GABRA6: variants seen among roughly 807,000 people sequenced by gnomAD.
GABRA6 encodes gamma-aminobutyric acid type A receptor subunit alpha6, also known as gamma-aminobutyric acid receptor subunit alpha-6.
A neutral mutation model predicts 47.3 loss-of-function variants in GABRA6; 45 were observed. The ratio of observed to expected loss-of-function variants is 0.95; its 90% CI spans 0.75 to 1.22. The LOEUF (loss-of-function observed/expected upper bound fraction) is 1.22. GABRA6 is among the 50% of genes most tolerant of loss of function. The probability of loss-of-function intolerance (pLI) is 0.00; values close to 1 mark genes in which losing one functional copy is unlikely to be tolerated. For missense variants in GABRA6, 583 were observed against 549.3 expected (o/e 1.06, Z -0.61); for synonymous variants, 219 against 194.7 (o/e 1.12, Z -1.04).
In GABRA6 at chr5:161,690,310, T is replaced by C. The variant is rs1754770343; in HGVS notation, c.783T>C (p.Ser261=). The change falls in exon 7 of 9, where the codon TCT becomes TCC. Residue 261 remains serine, a synonymous_variant. Transcript: ENST00000274545. ...TGACAGTCATTCTTTCCCAGGTGTC[T>C]TTCTGGATTAATAAGGAGTCCGTCC... ...CIMTVILSQV[S]FWINKESVPA... is the part of the protein sequence containing the mutation. 5 of 1,613,890 alleles carry C rather than the reference T, an allele frequency of 3.1e-6. No homozygotes were observed. In the Middle Eastern group the frequency reaches 5.0e-4, roughly 160 times the overall value.
chr5:161,686,865 G>A (rs1358303503), intron 2 of GABRA6, 71 bp from the exon 3 acceptor site: 2 of 1,289,224 alleles, frequency 1.6e-6, no homozygotes, highest in South Asian at 1.2e-5. Context: ...GGGGTTTGGT[G>A]GTAGAGGGCT....
Position 161,690,042 on chromosome 5 carries a change from T to TC in GABRA6, c.674-158dup, listed in dbSNP as rs3841130. ...TAAGTTGATGTGTCTCTTCGCTCTA[T>TC]CATCTGCTGATCAAGTAGCTTTCTC... On this transcript the variant is annotated intron_variant, in intron 6 of 8. Coordinates refer to ENST00000274545, the MANE Select transcript of GABRA6 (RefSeq NM_000811.3). The TC allele has an allele frequency of 1.9e-3, 1,416 of 737,436 alleles. 23 individuals are homozygous for TC. In the East Asian group the frequency reaches 0.029, roughly 15 times the overall value. The allele number at this position is 737,436 out of a possible 1,614,324, so 45.7% of individuals were successfully genotyped here.
intron 3 of GABRA6, among the ~76,000 whole-genome samples, chr5:161,688,681 T>A (rs767071142): frequency 2.6e-5 from 4 of 152,188 alleles, no homozygotes; most frequent in Non-Finnish European, 4.4e-5. Flanking sequence ...GAAATATGGA[T>A]GACTGGATAG....
intron 8 of GABRA6, among the ~76,000 whole-genome samples, chr5:161,697,367 G>A (rs1754901902): frequency 6.6e-6 from 1 of 152,216 alleles, no homozygotes; most frequent in African/African-American, 2.4e-5. Flanking sequence ...AATTCAGCGT[G>A]TTCCTTCTAA....
chr5:161,691,275 TTC>T (rs1468035207), intron 7 of GABRA6, among the ~76,000 whole-genome samples: 1 of 149,318 alleles, frequency 6.7e-6, no homozygotes, highest in African/African-American at 2.4e-5. Flanking sequence ...CAAGTTTTTT[TTC>T]TTTTTCTTTC....
chr5:161,692,077 C>A lies in GABRA6; in HGVS notation c.963C>A (p.Phe321Leu). Residue 321 changes from phenylalanine (F) to leucine (L), a missense_variant, in exon 8 of 9, where the codon TTC becomes TTA. Coordinates refer to ENST00000274545, the MANE Select transcript of GABRA6 (RefSeq NM_000811.3). ...FAFVFSALIE[F>L]AAVNYFTNLQ... ...TCGTCTTCTCTGCGCTTATCGAGTT[C>A]GCAGCTGTCAACTACTTTACCAATC... The A allele has an allele frequency of 6.2e-7, 1 of 1,614,122 alleles. No homozygotes were observed. Among genetic ancestry groups the A allele is most frequent in the Non-Finnish European group, 8.5e-7 (1 of 1,180,002 alleles).
chr5:161,695,589 G>A (rs1403590907), intron 8 of GABRA6, among the ~76,000 whole-genome samples: 1 of 151,942 alleles, frequency 6.6e-6, no homozygotes, highest in African/African-American at 2.4e-5. Flanking sequence ...TAGTTTCCTT[G>A]TTATTTTAAA....
intron 6 of GABRA6, 121 bp downstream of exon 6, chr5:161,689,900 T>C (rs1754763610): frequency 9.9e-7 from 1 of 1,007,798 alleles, no homozygotes; most frequent in South Asian, 1.4e-5. Flanking sequence ...TGTTTTGCAG[T>C]GATGAGTAGC....
chr5:161,689,433 C>A, intron 5 of GABRA6, 97 bp downstream of exon 5: 3 of 1,145,092 alleles, frequency 2.6e-6, no homozygotes, highest in South Asian at 2.5e-5. Context: ...GAAATAGAAT[C>A]ATGACACTAT....
rs1343672901 is a variant in GABRA6, at chr5:161,701,610, C to T, written c.1199C>T (p.Thr400Ile). ...VLTRAPILQS[T>I]PVTPPPLSPA... is the part of the protein sequence containing the mutation. ...ACGAGAGCGCCCATCTTACAATCAA[C>T]ACCTGTCACACCCCCACCACTCTCG... The change falls in exon 9 of 9, where the codon ACA becomes ATA. Residue 400 changes from threonine (T) to isoleucine (I), a missense_variant. Coordinates refer to ENST00000274545, the MANE Select transcript of GABRA6 (RefSeq NM_000811.3). 3 of 1,614,178 alleles carry T rather than the reference C, an allele frequency of 1.9e-6. No individual in the cohort carries two copies. Among genetic ancestry groups the T allele is most frequent in the Non-Finnish European group, 2.5e-6 (3 of 1,180,038 alleles).
At chr5:161,696,523 T>A (rs542104241) in intron 8 of GABRA6, among the ~76,000 whole-genome samples, 1 of 152,212 alleles carries the variant, frequency 6.6e-6, no homozygotes, top group East Asian at 1.9e-4. Flanking sequence ...GTATGATTTA[T>A]GGGGAAGGCA....
rs1289169367 is a variant in GABRA6, at chr5:161,685,782, G to A, written c.-208G>A. ...AAGACCACAAACCACCTTGTTCCAC[G>A]TGAGAAGGAAACAAGAAAGAAGGGA... is the stretch of plus-strand genomic sequence containing the variant. On this transcript the variant is annotated 5_prime_UTR_variant, in exon 1 of 9. The change creates a new upstream start codon in the 5' untranslated region. Coordinates refer to ENST00000274545, the MANE Select transcript of GABRA6 (RefSeq NM_000811.3). 2.1e-5 allele frequency: 13 copies of A among 618,726 alleles called. No individual in the cohort carries two copies. The highest frequency in any genetic ancestry group is 5.7e-4 in the Middle Eastern group (2 of 3,538). The allele number at this position is 618,726 out of a possible 1,614,324, so 38.3% of individuals were successfully genotyped here.
intron 8 of GABRA6, among the ~76,000 whole-genome samples, chr5:161,694,744 G>A (rs923167925): frequency 1.3e-5 from 2 of 152,006 alleles, no homozygotes; most frequent in Non-Finnish European, 2.9e-5. Flanking sequence ...GGGAAATTTT[G>A]ATTCTAAAAG....
At chr5:161,692,988 T>C (rs1252290963) in intron 8 of GABRA6, among the ~76,000 whole-genome samples, 1 of 152,172 alleles carries the variant, frequency 6.6e-6, no homozygotes, top group Non-Finnish European at 1.5e-5. Context: ...TAAAACTGAT[T>C]GACAGTCATA....
At chr5:161,699,827 C>A (rs1754947633) in intron 8 of GABRA6, among the ~76,000 whole-genome samples, 1 of 152,130 alleles carries the variant, frequency 6.6e-6, no homozygotes. Flanking sequence ...CTTCTAATAT[C>A]TTAAACTCTC....
intron 3 of GABRA6, among the ~76,000 whole-genome samples, chr5:161,688,664 A>G (rs1754737320): frequency 6.6e-6 from 1 of 152,192 alleles, no homozygotes; most frequent in African/African-American, 2.4e-5. Flanking sequence ...GGACATATTG[A>G]TAGATGGAAA....
chr5:161,702,557 C>A lies in GABRA6; in HGVS notation c.*784C>A, dbSNP rs911961974. 1 of 152,076 alleles carries A rather than the reference C, an allele frequency of 6.6e-6. No individual in the cohort carries two copies. The highest frequency in any genetic ancestry group is 1.5e-5 in the Non-Finnish European group (1 of 67,992). 9.4% of individuals were successfully genotyped at this position (152,076 alleles called of 1,614,324 possible). ...GTTATCTCTTGTGTTTTCCACATTT[C>A]CAATTATAACACTAAATAAAACAAC... is the stretch of plus-strand genomic sequence containing the variant. On this transcript the variant is annotated 3_prime_UTR_variant, in exon 9 of 9. Transcript: ENST00000274545.
In GABRA6 at chr5:161,692,025, A is replaced by T; in HGVS notation, c.911A>T (p.Asp304Val). Residue 304 changes from aspartate to valine, a missense_variant, in exon 8 of 9, where the codon GAT becomes GTT. Transcript: ENST00000274545. ...AAAGTGTCATATGCCACTGCCATGG[A>T]TTGGTTCATAGCTGTTTGCTTTGCA... ...LPKVSYATAM[D>V]WFIAVCFAFV... The T allele has an allele frequency of 6.2e-7, 1 of 1,614,146 alleles. No individual in the cohort carries two copies. Among genetic ancestry groups the T allele is most frequent in the Non-Finnish European group, 8.5e-7 (1 of 1,180,016 alleles).
rs1754747544 is a variant in GABRA6, at chr5:161,689,020, G to A, written c.297G>A (p.Glu99=). ...DERLKFGGPT[E]ILSLNNLMVS... is the part of the protein sequence containing the mutation. Reference sequence around the variant, plus strand: ...GGTTGAAGTTTGGGGGGCCAACTGAGATTCTGAGTCTGAATAATTTGATGG... The same window carrying A: ...GGTTGAAGTTTGGGGGGCCAACTGAAATTCTGAGTCTGAATAATTTGATGG... Residue 99 remains glutamate (E), a synonymous_variant, in exon 4 of 9, where the codon GAG becomes GAA. Transcript: ENST00000274545. 2 of 1,613,892 alleles carry A rather than the reference G, an allele frequency of 1.2e-6. No homozygotes were observed. Among genetic ancestry groups the A allele is most frequent in the Admixed American group, 3.3e-5 (2 of 59,986 alleles).
Sources: allele counts gnomAD v4.1 joint callset (sites outside exome capture counted in the v4.1 genomes callset), GRCh38; gene constraint gnomAD v4.1.1; transcripts MANE v1.5; gene names NCBI Gene and HGNC (gene_info 2026-07-23, HGNC 2026-07-21).